Variants in ATP10B observed in about 807,000 individuals in gnomAD.
ATP10B encodes the protein phospholipid-transporting ATPase VB.
A neutral mutation model predicts 141.2 loss-of-function variants in ATP10B; 122 were observed. The observed-to-expected ratio is 0.86, with a 90% CI of 0.75 to 1.00. The LOEUF (loss-of-function observed/expected upper bound fraction) is 1.00. ATP10B is among the 50% of genes least tolerant of loss of function. ATP10B has a pLI of 0.00. For missense variants in ATP10B, 1,876 were observed against 1,825.3 expected, an observed-to-expected ratio of 1.03 and a Z score of -0.51; for synonymous variants, 685 against 692.0, an observed-to-expected ratio of 0.99 and a Z score of 0.16.
At chr5:160,724,122 C>A (rs908471137) in intron 2 of ATP10B, among the ~76,000 whole-genome samples, 5 of 151,730 alleles carry the variant, frequency 3.3e-5, no homozygotes, top group African/African-American at 9.7e-5. Flanking sequence ...TGGGGCCTAT[C>A]GGAGGGTGGA....
intron 2 of ATP10B, among the ~76,000 whole-genome samples, chr5:160,778,956 A>T (rs1770529873): frequency 1.3e-5 from 2 of 152,164 alleles, no homozygotes; most frequent in South Asian, 2.1e-4. Flanking sequence ...GGATAATAGT[A>T]GTAGGCGTCT....
chr5:160,606,989 G>T lies in ATP10B; in HGVS notation c.2936C>A (p.Pro979His). The T allele has an allele frequency of 6.2e-7, 1 of 1,614,146 alleles. No homozygotes were observed. ...PDRKLFGFRL[P>H]SKTPSITSEA... ...TGAGGTGATGGATGGTGTCTTGGAAGGTAAGCGGAATCCAAAGAGCTTGCG... is the reference window on the plus strand; with the variant it reads ...TGAGGTGATGGATGGTGTCTTGGAATGTAAGCGGAATCCAAAGAGCTTGCG... Residue 979 changes from proline (P) to histidine (H), a missense_variant, in exon 19 of 26, where the codon CCT becomes CAT. Coordinates refer to ENST00000327245, the MANE Select transcript of ATP10B (RefSeq NM_025153.3).
intron 1 of ATP10B, among the ~76,000 whole-genome samples, chr5:160,830,558 C>T (rs1287942869): frequency 6.6e-6 from 1 of 151,950 alleles, no homozygotes; most frequent in South Asian, 2.1e-4. Context: ...TTGAGCCTTA[C>T]TTTTTACTTG....
chr5:160,602,618 G>A lies in ATP10B; in HGVS notation c.3322C>T (p.Arg1108Cys), dbSNP rs778302387. 8.7e-6 allele frequency: 14 copies of A among 1,614,032 alleles called. No individual in the cohort carries two copies. The highest frequency in any genetic ancestry group is 1.7e-4 in the Middle Eastern group (1 of 6,056). The change falls in exon 21 of 26, where the codon CGC becomes TGC. Residue 1108 changes from arginine (R) to cysteine (C), a missense_variant. By Grantham distance (180) the Arg-to-Cys change is radical. Transcript: ENST00000327245. ...TAGTACACCACCATCCTGGCCAGGC[G>A]CGAGTAACACCAGTGGCCATGCACG... ...LLVHGHWCYS[R>C]LARMVVYYLY...
At chr5:160,636,994 A>ACCCC (rs1561678679) in intron 10 of ATP10B, among the ~76,000 whole-genome samples, 4 of 41,362 alleles carry the variant, frequency 9.7e-5, no homozygotes, top group Non-Finnish European at 1.5e-4. Flanking sequence ...CCACCCACCC[A>ACCCC]CCCATCCATC....
chr5:160,609,759 G>A (rs1272062187), intron 18 of ATP10B, among the ~76,000 whole-genome samples: 2 of 152,186 alleles, frequency 1.3e-5, no homozygotes, highest in Non-Finnish European at 2.9e-5. Flanking sequence ...ATTGAGTGTT[G>A]CAGGCACTAG....
chr5:160,726,938 C>A (rs571272400), intron 2 of ATP10B, among the ~76,000 whole-genome samples: 1 of 150,840 alleles, frequency 6.6e-6, no homozygotes, highest in East Asian at 2.0e-4. Context: ...TGGAAGCCCC[C>A]GGGGGTGGGG....
At chr5:160,810,175 TTTC>T (rs1460703258) in intron 1 of ATP10B, among the ~76,000 whole-genome samples, 4 of 152,110 alleles carry the variant, frequency 2.6e-5, no homozygotes, top group Non-Finnish European at 5.9e-5. Flanking sequence ...GTTTTTTAAA[TTTC>T]TTATTATTTT....
At position 160,565,747 on chromosome 5, in the gene ATP10B, T is replaced by A. The variant is rs3812006; in HGVS notation, c.4092A>T (p.Pro1364=). Residue 1364 remains proline (P), a synonymous_variant, in exon 26 of 26, where the codon CCA becomes CCT. Coordinates refer to ENST00000327245, the MANE Select transcript of ATP10B (RefSeq NM_025153.3). Reference sequence around the variant, plus strand: ...TGATAGATGACACTGGGTGGTGAGTTGGTCGAGCCACTTCGGGGACAGGGG... The same window carrying A: ...TGATAGATGACACTGGGTGGTGAGTAGGTCGAGCCACTTCGGGGACAGGGG... ...RPAPVPEVAR[P]THHPVSSITG... is the part of the protein sequence containing the mutation. 1.2e-6 allele frequency: 2 copies of A among 1,613,666 alleles called. No individual in the cohort carries two copies. Among genetic ancestry groups the A allele is most frequent in the Non-Finnish European group, 8.5e-7 (1 of 1,179,882 alleles).
intron 3 of ATP10B, among the ~76,000 whole-genome samples, chr5:160,697,984 T>C (rs1363361526): frequency 6.6e-6 from 1 of 152,342 alleles, no homozygotes; most frequent in East Asian, 1.9e-4. Flanking sequence ...ATCTGCCACA[T>C]TACACTTTAT....
At chr5:160,885,105 C>T in the ATP10B span, among the ~76,000 whole-genome samples, 1 of 152,162 alleles carries the variant, frequency 6.6e-6, no homozygotes. Context: ...CACCTCTGAT[C>T]CTTTTGGGAA....
At chr5:160,638,030 C>A (rs529625584) in intron 10 of ATP10B, among the ~76,000 whole-genome samples, 1 of 152,126 alleles carries the variant, frequency 6.6e-6, no homozygotes, top group Non-Finnish European at 1.5e-5. Flanking sequence ...AGCCCCAGCA[C>A]GTGTTGGATG....
intron 24 of ATP10B, among the ~76,000 whole-genome samples, chr5:160,573,769 G>A (rs1355036704): frequency 6.6e-6 from 1 of 152,136 alleles, no homozygotes; most frequent in Non-Finnish European, 1.5e-5. Flanking sequence ...TGCCAAAAAG[G>A]TTGGGGACCA....
At position 160,750,168 on chromosome 5, in the gene ATP10B, A is replaced by T. The variant is rs80111931; in HGVS notation, c.-330-33134T>A. Among the ~76,000 whole-genome samples the T allele has an allele frequency of 7.5e-4, 115 of 152,318 alleles. 1 individual carries two copies. In the East Asian group the frequency reaches 0.013, roughly 17 times the overall value. On this transcript the variant is annotated intron_variant, in intron 2 of 25. Coordinates refer to ENST00000327245, the MANE Select transcript of ATP10B (RefSeq NM_025153.3). ...CATATTGGGGTCTACATGAAATCTCATTCTATAATAGAATCACTCATGCCA... is the reference window on the plus strand; with the variant it reads ...CATATTGGGGTCTACATGAAATCTCTTTCTATAATAGAATCACTCATGCCA...
intron 21 of ATP10B, among the ~76,000 whole-genome samples, chr5:160,599,356 G>A (rs1472785029): frequency 6.6e-6 from 1 of 152,162 alleles, no homozygotes; most frequent in African/African-American, 2.4e-5. Flanking sequence ...ATTAATTGAG[G>A]ACTTGGTGTA....
At chr5:160,851,552 AT>A (rs1488745557) in intron 1 of ATP10B, among the ~76,000 whole-genome samples, 2 of 152,252 alleles carry the variant, frequency 1.3e-5, no homozygotes, top group Admixed American at 1.3e-4. Context: ...TAATGATCTC[AT>A]TCTCTTCCTC....
At position 160,844,517 on chromosome 5, in the gene ATP10B, G is replaced by A. The variant is rs114705439; in HGVS notation, c.-576+7424C>T. Among the ~76,000 whole-genome samples the A allele has an allele frequency of 3.3e-3, 500 of 151,898 alleles. 5 individuals are homozygous for A. The highest frequency in any genetic ancestry group is 0.012 in the African/African-American group (482 of 41,490). On this transcript the variant is annotated intron_variant, in intron 1 of 25. Transcript: ENST00000327245. The stretch of plus-strand genomic sequence containing the variant: ...AATACATAATAGTTCTGATTATGAA[G>A]TAGTAAGGTCCCAATAACTTAATAA...
chr5:160,572,973 G>A (rs1378175738), intron 24 of ATP10B, among the ~76,000 whole-genome samples: 1 of 152,130 alleles, frequency 6.6e-6, no homozygotes, highest in East Asian at 1.9e-4. Context: ...AGTCTGACAC[G>A]TTTCATACAC....
the ATP10B span, among the ~76,000 whole-genome samples, chr5:160,872,699 A>G: frequency 7.4e-4 from 112 of 152,192 alleles, no homozygotes; most frequent in South Asian, 0.018. Flanking sequence ...ATTTTGGTTT[A>G]TTTCAGCGTT....
Sources: gnomAD v4.1 joint callset for allele counts (sites outside exome capture counted in the v4.1 genomes callset) on GRCh38, gnomAD v4.1.1 for gene constraint, MANE v1.5 for transcripts, NCBI Gene and HGNC (gene_info 2026-07-23, HGNC 2026-07-21) for gene names.